Variants in L3MBTL4 observed in about 807,000 individuals in gnomAD.
L3MBTL4 encodes lethal(3)malignant brain tumor-like protein 4.
L3MBTL4 carries 70 observed loss-of-function variants against 84.5 expected under a neutral mutation model. The observed-to-expected ratio is 0.83, with a 90% CI of 0.68 to 1.01. The LOEUF (loss-of-function observed/expected upper bound fraction) is 1.01. L3MBTL4 is among the 50% of genes least tolerant of loss of function. L3MBTL4 has a pLI of 0.00. For synonymous variants in L3MBTL4, 274 were observed against 259.8 expected (o/e 1.05, Z -0.52); for missense variants, 715 against 754.8 (o/e 0.95, Z 0.62).
At chr18:6,322,737 G>C (rs1165568805) in intron 1 of L3MBTL4, among the ~76,000 whole-genome samples, 1 of 152,146 alleles carries the variant, frequency 6.6e-6, no homozygotes, top group Non-Finnish European at 1.5e-5. Flanking sequence ...GTTACCAAAG[G>C]CTGGGAAGGG....
At chr18:6,225,284 T>A (rs1218300981) in intron 10 of L3MBTL4, among the ~76,000 whole-genome samples, 1 of 152,154 alleles carries the variant, frequency 6.6e-6, no homozygotes, top group Non-Finnish European at 1.5e-5. Flanking sequence ...TAAAAAGAAA[T>A]CAGCTTACAT....
chr18:6,081,636 T>C (rs73938722), intron 15 of L3MBTL4, among the ~76,000 whole-genome samples: 1 of 152,346 alleles, frequency 6.6e-6, no homozygotes, highest in African/African-American at 2.4e-5. Flanking sequence ...TTTGCACATG[T>C]ATTTTCTTAC....
intron 4 of L3MBTL4, among the ~76,000 whole-genome samples, chr18:6,275,625 T>C (rs1481099405): frequency 6.6e-6 from 1 of 152,158 alleles, no homozygotes; most frequent in East Asian, 1.9e-4. Flanking sequence ...CAGGTGTGCA[T>C]GTGGAAACAT....
At chr18:6,004,598 A>C (rs2054378168) in intron 16 of L3MBTL4, among the ~76,000 whole-genome samples, 1 of 152,244 alleles carries the variant, frequency 6.6e-6, no homozygotes, top group Admixed American at 6.5e-5. Context: ...TAGAAAACCG[A>C]AGAAATCCTA....
intron 3 of L3MBTL4, among the ~76,000 whole-genome samples, chr18:6,306,909 T>C (rs2050610779): frequency 2.0e-5 from 3 of 152,202 alleles, no homozygotes; most frequent in Non-Finnish European, 4.4e-5. Flanking sequence ...CTGAATCTCC[T>C]GACCCATGCC....
intron 5 of L3MBTL4, among the ~76,000 whole-genome samples, chr18:6,261,144 G>T (rs1279982977): frequency 6.6e-6 from 1 of 152,132 alleles, no homozygotes; most frequent in Non-Finnish European, 1.5e-5. Context: ...TTCTACCTCA[G>T]ATTGTTGCTG....
At chr18:6,344,921 GT>G (rs2052800716) in intron 1 of L3MBTL4, among the ~76,000 whole-genome samples, 1 of 152,010 alleles carries the variant, frequency 6.6e-6, no homozygotes, top group Non-Finnish European at 1.5e-5. Flanking sequence ...ATTTATAATG[GT>G]GAAAAGTTAG....
In L3MBTL4 at chr18:6,071,572, G is replaced by A. The variant is rs868585009; in HGVS notation, c.1444+9309C>T. ...GATTGCTTGAGTCTGGGAGGCCAAG[G>A]TTGCAGTAAGCCATAATCACGCCAC... On this transcript the variant is annotated intron_variant, in intron 16 of 18. Coordinates refer to ENST00000317931, the MANE Select transcript of L3MBTL4 (RefSeq NM_001330559.2). Among the ~76,000 whole-genome samples, 11 of 150,926 alleles carry A rather than the reference G, an allele frequency of 7.3e-5. No individual in the cohort carries two copies. In the Middle Eastern group the frequency reaches 0.01, roughly 140 times the overall value.
intron 1 of L3MBTL4, among the ~76,000 whole-genome samples, chr18:6,357,982 G>C (rs867743997): frequency 6.6e-6 from 1 of 152,166 alleles, no homozygotes; most frequent in African/African-American, 2.4e-5. Context: ...CTTTGACCAA[G>C]CCTTGGACAG....
chr18:6,193,977 G>A (rs374472153), intron 12 of L3MBTL4, among the ~76,000 whole-genome samples: 2 of 152,130 alleles, frequency 1.3e-5, no homozygotes, highest in East Asian at 1.9e-4. Flanking sequence ...TGCATTCATG[G>A]CAGTACTTTG....
intron 16 of L3MBTL4, among the ~76,000 whole-genome samples, chr18:6,077,989 C>CTGCA (rs986661063): frequency 2.0e-5 from 3 of 151,852 alleles, no homozygotes; most frequent in African/African-American, 4.8e-5. Flanking sequence ...GATCGCGCCA[C>CTGCA]TGCACTCCAG....
intron 14 of L3MBTL4, among the ~76,000 whole-genome samples, chr18:6,106,377 T>C (rs1159843913): frequency 6.6e-6 from 1 of 152,226 alleles, no homozygotes; most frequent in Non-Finnish European, 1.5e-5. Flanking sequence ...TGGAGAAGAA[T>C]GAGTAGGGAA....
In L3MBTL4 at chr18:6,015,802, C is replaced by CA. The variant is rs755217365; in HGVS notation, c.1445-46241dup. On this transcript the variant is annotated intron_variant, in intron 16 of 18. Transcript: ENST00000317931. ...TGAAACCCCGTCTCTATTAAAAATA[C>CA]AAAAAAAGTTAGCTGGGCATGATGG... Among the ~76,000 whole-genome samples the CA allele has an allele frequency of 7.2e-5, 11 of 151,990 alleles. No individual in the cohort carries two copies. In the South Asian group the frequency reaches 1.0e-3, roughly 14 times the overall value.
intron 1 of L3MBTL4, among the ~76,000 whole-genome samples, chr18:6,331,437 C>T (rs967999437): frequency 6.6e-6 from 1 of 152,056 alleles, no homozygotes; most frequent in Admixed American, 6.5e-5. Context: ...TGCCCCATAG[C>T]AATACCTCAA....
At chr18:6,375,688 G>A (rs893251348) in intron 1 of L3MBTL4, among the ~76,000 whole-genome samples, 4 of 152,122 alleles carry the variant, frequency 2.6e-5, no homozygotes, top group African/African-American at 9.7e-5. Flanking sequence ...TTTAGTAAAT[G>A]AGATGACAAT....
At chr18:6,225,697 T>C (rs1243165101) in intron 10 of L3MBTL4, among the ~76,000 whole-genome samples, 1 of 149,316 alleles carries the variant, frequency 6.7e-6, no homozygotes, top group African/African-American at 2.5e-5. Flanking sequence ...GAGGCAGAAA[T>C]TGCAGTGAGC....
At chr18:6,305,893 A>G (rs2050565352) in intron 3 of L3MBTL4, among the ~76,000 whole-genome samples, 1 of 152,226 alleles carries the variant, frequency 6.6e-6, no homozygotes, top group Admixed American at 6.5e-5. Context: ...GGAACAAAAC[A>G]GGATTTTCAG....
chr18:6,048,479 A>G (rs1296270916), intron 16 of L3MBTL4, among the ~76,000 whole-genome samples: 1 of 152,184 alleles, frequency 6.6e-6, no homozygotes, highest in East Asian at 1.9e-4. Context: ...CCAACTTCAA[A>G]TTATACTGTA....
chr18:6,282,418 G>A (rs559261855), intron 4 of L3MBTL4, among the ~76,000 whole-genome samples: 1 of 152,240 alleles, frequency 6.6e-6, no homozygotes, highest in East Asian at 1.9e-4. Context: ...AGCAACACAT[G>A]TACCTATAAT....
Sources: gnomAD v4.1 joint callset for allele counts (sites outside exome capture counted in the v4.1 genomes callset) on GRCh38, gnomAD v4.1.1 for gene constraint, MANE v1.5 for transcripts, NCBI Gene and HGNC (gene_info 2026-07-23, HGNC 2026-07-21) for gene names.